IRF5: variants seen among roughly 807,000 people sequenced by gnomAD.
IRF5 encodes the protein interferon regulatory factor 5.
In IRF5, 24 loss-of-function variants were observed where a neutral mutation model predicts 55.1. That is an observed-to-expected ratio of 0.44 (90% CI 0.32 to 0.61). The LOEUF is 0.61. Ranked by LOEUF, IRF5 falls within the 20% of genes least tolerant of loss-of-function variation. IRF5 has a pLI of 0.07. For missense variants in IRF5, 499 were observed against 658.5 expected (o/e 0.76, Z 2.65); for synonymous variants, 258 against 260.2 (o/e 0.99, Z 0.08).
Position 128,948,575 on chromosome 7 carries a change from G to A in IRF5, c.1302G>A (p.Val434=). 1 of 1,613,724 alleles carries A rather than the reference G, an allele frequency of 6.2e-7. No homozygotes were observed. The highest frequency in any genetic ancestry group is 8.5e-7 in the Non-Finnish European group (1 of 1,180,038). ...PREKKLITVQ[V]VPVAARLLLE... ...CTCATCTCCTCTTTGCCTCCCAGGT[G>A]GTGCCTGTAGCAGCTCGACTGCTGC... The change falls in exon 9 of 9, where the codon GTG becomes GTA. Residue 434 remains valine, a splice_region_variant and synonymous_variant. Coordinates refer to ENST00000357234, the MANE Select transcript of IRF5 (RefSeq NM_001098629.3). This position sits in a 1 kb window ranked among gnomAD's most constrained non-coding sequence, Gnocchi z 4.6.
In IRF5 at chr7:128,946,104, TTGGGTGCAGGCAGGCCAAGGGCCCC is replaced by T. The variant is rs1017135613; in HGVS notation, c.385+72_385+96del. 3 of 1,433,674 alleles carry T rather than the reference TTGGGTGCAGGCAGGCCAAGGGCCCC, an allele frequency of 2.1e-6. No homozygotes were observed. The African/African-American group carries it at 4.3e-5, about 21-fold the overall frequency. 88.8% of individuals were successfully genotyped at this position (1,433,674 alleles called of 1,614,324 possible). Reference sequence around the variant, plus strand: ...TGTCCTGGCCCCCAGCCATGAGCTCTTGGGTGCAGGCAGGCCAAGGGCCCCTCTAGCAGGCAGTGGTCCAGGAAAC... The same window carrying T: ...TGTCCTGGCCCCCAGCCATGAGCTCTTCTAGCAGGCAGTGGTCCAGGAAAC... On this transcript the variant is annotated intron_variant, in intron 3 of 8. Coordinates refer to ENST00000357234, the MANE Select transcript of IRF5 (RefSeq NM_001098629.3). The surrounding 1 kb of genome is among the most constrained non-coding windows in gnomAD (Gnocchi z 4.2).
chr7:128,948,540 G>T lies in IRF5; in HGVS notation c.1300-33G>T. On this transcript the variant is annotated intron_variant, in intron 8 of 8. Coordinates refer to ENST00000357234, the MANE Select transcript of IRF5 (RefSeq NM_001098629.3). The surrounding 1 kb of genome is among the most constrained non-coding windows in gnomAD (Gnocchi z 4.6). ...GCTGGATCTGGCAGCCCTGCCACAG[G>T]TCTCCCTGTCTCATCTCCTCTTTGC... 6.2e-7 allele frequency: 1 copy of T among 1,610,602 alleles called. No homozygotes were observed. The highest frequency in any genetic ancestry group is 8.5e-7 in the Non-Finnish European group (1 of 1,179,324).
Position 128,947,278 on chromosome 7 carries a change from A to G in IRF5, c.530A>G (p.Glu177Gly). The change falls in exon 6 of 9, where the codon GAG (glutamate) becomes GGG (glycine). Residue 177 changes from glutamate (E) to glycine (G), a missense_variant. Glu to Gly is a moderately conservative substitution (Grantham distance 98). Around this residue, in one of 2 missense-constraint regions of IRF5, gnomAD observed 305 missense variants for 340.2 expected, o/e 0.90. Coordinates refer to ENST00000357234, the MANE Select transcript of IRF5 (RefSeq NM_001098629.3). The surrounding 1 kb of genome is among the most constrained non-coding windows in gnomAD (Gnocchi z 6.5). ...PHMTPYSLLK[E>G]DVKWPPTLQP... Reference sequence around the variant, plus strand: ...ATGACACCCTATTCTTTACTCAAAGAGGATGTCAAGTGGCCGCCCACTCTG... The same window carrying G: ...ATGACACCCTATTCTTTACTCAAAGGGGATGTCAAGTGGCCGCCCACTCTG... 1 of 1,610,716 alleles carries G rather than the reference A, an allele frequency of 6.2e-7. No homozygotes were observed. Among genetic ancestry groups the G allele is most frequent in the Non-Finnish European group, 8.5e-7 (1 of 1,178,910 alleles).
In IRF5 at chr7:128,947,980, G is replaced by A. The variant is rs1243979492; in HGVS notation, c.1039G>A (p.Gly347Ser). The A allele has an allele frequency of 1.2e-6, 2 of 1,614,010 alleles. No individual in the cohort carries two copies. The highest frequency in any genetic ancestry group is 1.7e-6 in the Non-Finnish European group (2 of 1,180,040). Residue 347 changes from glycine to serine, a missense_variant, in exon 7 of 9, where the codon GGC (glycine) becomes AGC (serine). By Grantham distance (56) the Gly-to-Ser change is moderately conservative (BLOSUM62 0). This residue lies in a region of IRF5 where 194 missense variants were observed against 318.3 expected (regional missense o/e 0.61). Transcript: ENST00000357234. The surrounding 1 kb of genome is among the most constrained non-coding windows in gnomAD (Gnocchi z 6.5). ...LDRGLILQLQ[G>S]QDLYAIRLCQ... is the part of the protein sequence containing the mutation. ...CCGCGGGCTCATCCTCCAGCTACAG[G>A]GCCAGGACCTTTATGCCATCCGCCT... is the stretch of plus-strand genomic sequence containing the variant.
At chr7:128,941,124 C>T (rs1018858181) in intron 1 of IRF5, among the ~76,000 whole-genome samples, 9 of 152,128 alleles carry the variant, frequency 5.9e-5, no homozygotes, top group African/African-American at 1.7e-4. Flanking sequence ...GGAGAGTTTC[C>T]GGTTCTGGGC....
At chr7:128,941,042 C>G (rs1187820602) in intron 1 of IRF5, among the ~76,000 whole-genome samples, 1 of 152,214 alleles carries the variant, frequency 6.6e-6, no homozygotes, top group Admixed American at 6.5e-5. Context: ...TGTCTTCCAC[C>G]CAGGGGTCTC....
At chr7:128,939,588 G>A (rs1165347402) in intron 1 of IRF5, among the ~76,000 whole-genome samples, 2 of 152,122 alleles carry the variant, frequency 1.3e-5, no homozygotes, top group East Asian at 3.9e-4. Flanking sequence ...CCTGCTGTCT[G>A]GCCACTCTTA....
chr7:128,938,877 G>C lies in IRF5; in HGVS notation c.-12+828G>C, dbSNP rs112074194. Among the ~76,000 whole-genome samples the C allele has an allele frequency of 7.1e-3, 1,081 of 152,086 alleles. 15 individuals are homozygous for C. The highest frequency in any genetic ancestry group is 0.025 in the African/African-American group (1,044 of 41,482). ...GGTACCTGGGAGCAGAGGCTGGAGT[G>C]GGGGACTTTCCCAGCCTCGCGGCCA... On this transcript the variant is annotated intron_variant, in intron 1 of 8. Coordinates refer to ENST00000357234, the MANE Select transcript of IRF5 (RefSeq NM_001098629.3).
At chr7:128,942,972 A>G (rs547274090) in intron 2 of IRF5, 2 of 151,216 alleles carry the variant, frequency 1.3e-5, no homozygotes, top group African/African-American at 5.0e-5. Context: ...AATTGTTTAA[A>G]TTTTCTAATT....
Position 128,948,560 on chromosome 7 carries a change from C to T in IRF5, c.1300-13C>T, listed in dbSNP as rs746243771. On this transcript the variant is annotated splice_polypyrimidine_tract_variant and intron_variant, in intron 8 of 8. Transcript: ENST00000357234. This position sits in a 1 kb window ranked among gnomAD's most constrained non-coding sequence, Gnocchi z 4.6. The stretch of plus-strand genomic sequence containing the variant: ...CACAGGTCTCCCTGTCTCATCTCCT[C>T]TTTGCCTCCCAGGTGGTGCCTGTAG... 1.2e-6 allele frequency: 2 copies of T among 1,612,966 alleles called. No homozygotes were observed. Among genetic ancestry groups the T allele is most frequent in the African/African-American group, 2.7e-5 (2 of 74,956 alleles).
intron 2 of IRF5, among the ~76,000 whole-genome samples, chr7:128,943,990 G>A (rs1585298940): frequency 1.3e-5 from 2 of 152,130 alleles, no homozygotes; most frequent in African/African-American, 2.4e-5. Flanking sequence ...TATCACAGGC[G>A]CAAGCCACTG....
At chr7:128,939,698 A>G (rs534354039) in intron 1 of IRF5, among the ~76,000 whole-genome samples, 43 of 152,190 alleles carry the variant, frequency 2.8e-4, no homozygotes, top group African/African-American at 1.0e-3. Flanking sequence ...GGACTCCAGC[A>G]TGGCCCTGGG....
chr7:128,943,936 A>T (rs1796173195), intron 2 of IRF5, among the ~76,000 whole-genome samples: 7 of 151,296 alleles, frequency 4.6e-5, no homozygotes, highest in Admixed American at 4.6e-4. Flanking sequence ...TCTCAAGCTC[A>T]TGGGCTCAAG....
chr7:128,944,563 T>C (rs774883638), intron 2 of IRF5, among the ~76,000 whole-genome samples: 3 of 152,210 alleles, frequency 2.0e-5, no homozygotes, highest in Non-Finnish European at 2.9e-5. Context: ...CCTCCTTCCC[T>C]GGTTCATCAC....
chr7:128,944,389 A>G (rs1464302443), intron 2 of IRF5, among the ~76,000 whole-genome samples: 1 of 152,180 alleles, frequency 6.6e-6, no homozygotes, highest in Non-Finnish European at 1.5e-5. Context: ...GCTGGGTCAA[A>G]GGCAATGCTT....
intron 2 of IRF5, among the ~76,000 whole-genome samples, chr7:128,944,681 C>A (rs555672684): frequency 4.7e-4 from 72 of 152,176 alleles, no homozygotes; most frequent in Non-Finnish European, 5.7e-4. Context: ...TGGAACTATC[C>A]TTTCCTCTAC....
intron 1 of IRF5, among the ~76,000 whole-genome samples, chr7:128,939,489 G>A (rs1290954132): frequency 6.6e-6 from 1 of 152,170 alleles, no homozygotes; most frequent in Non-Finnish European, 1.5e-5. Context: ...GTCAGGGCCT[G>A]TACAGGGAAC....
chr7:128,941,872 G>A (rs1231867071), intron 1 of IRF5, among the ~76,000 whole-genome samples, 199 bp from the exon 2 acceptor site: 5 of 152,196 alleles, frequency 3.3e-5, no homozygotes, highest in African/African-American at 9.7e-5. Flanking sequence ...TCACTAACTC[G>A]TAACTCTCCT....
Position 128,945,965 on chromosome 7 carries a change from G to C in IRF5, c.316G>C (p.Gly106Arg). 6 of 1,613,288 alleles carry C rather than the reference G, an allele frequency of 3.7e-6. No homozygotes were observed. Among genetic ancestry groups the C allele is most frequent in the Non-Finnish European group, 5.1e-6 (6 of 1,179,818 alleles). ...CCGGGACTTCCGCCTCATCTACGACGGGCCCCGGGACATGCCACCTCAGCC... is the reference window on the plus strand; with the variant it reads ...CCGGGACTTCCGCCTCATCTACGACCGGCCCCGGGACATGCCACCTCAGCC... ...KSRDFRLIYDGPRDMPPQPYK... is the reference protein window; with the variant it reads ...KSRDFRLIYDRPRDMPPQPYK... Residue 106 changes from glycine to arginine, a missense_variant, in exon 3 of 9, where the codon GGG becomes CGG. By Grantham distance (125) the Gly-to-Arg change is moderately radical (BLOSUM62 -2). This residue lies in a region of IRF5 where 305 missense variants were observed against 340.2 expected (regional missense o/e 0.90). Transcript: ENST00000357234.
Sources: allele counts gnomAD v4.1 joint callset (sites outside exome capture counted in the v4.1 genomes callset), GRCh38; gene constraint gnomAD v4.1.1; regional missense constraint gnomAD v4.1.1; non-coding constraint Gnocchi (gnomAD v3.1); transcripts MANE v1.5; gene names NCBI Gene and HGNC (gene_info 2026-07-23, HGNC 2026-07-21).